NREP: variants seen among roughly 807,000 people sequenced by gnomAD.
The protein encoded by NREP is neuronal regeneration-related protein.
A neutral mutation model predicts 8.6 loss-of-function variants in NREP; 5 were observed. The ratio of observed to expected loss-of-function variants is 0.58; its 90% CI spans 0.30 to 1.22. NREP has a LOEUF of 1.22. NREP is among the 50% of genes most tolerant of loss of function. The probability of loss-of-function intolerance (pLI) is 0.07; values close to 1 mark genes in which losing one functional copy is unlikely to be tolerated. For missense variants in NREP, 86 were observed against 82.5 expected, an observed-to-expected ratio of 1.04 and a Z score of -0.17; for synonymous variants, 27 against 28.0, an observed-to-expected ratio of 0.96 and a Z score of 0.11.
upstream of NREP, chr5:111,757,727 C>A (rs1750824114): frequency 1.0e-6 from 1 of 984,760 alleles, no homozygotes; most frequent in African/African-American, 1.7e-5. Context: ...GCGCCCCGGC[C>A]CCGCCCCGGG....
chr5:111,734,496 C>A (rs1010901672), intron 3 of NREP: 6 of 398,420 alleles, frequency 1.5e-5, no homozygotes, highest in Non-Finnish European at 9.0e-6. Flanking sequence ...CAAAAATGCT[C>A]TGCAAGATTA....
At chr5:111,757,392 C>T (rs1461730210), upstream of NREP, 1 of 966,836 alleles carries the variant, frequency 1.0e-6, no homozygotes, top group African/African-American at 1.8e-5. Context: ...CGCTCTCTCT[C>T]CAAGAGTGTG....
At chr5:111,747,718 T>C (rs1294336621) in intron 2 of NREP, among the ~76,000 whole-genome samples, 1 of 152,166 alleles carries the variant, frequency 6.6e-6, no homozygotes, top group Non-Finnish European at 1.5e-5. Context: ...CTTCCTTTCA[T>C]GCCACGTTCT....
intron 2 of NREP, among the ~76,000 whole-genome samples, chr5:111,900,734 CA>C (rs1754627565): frequency 6.6e-6 from 1 of 151,792 alleles, no homozygotes; most frequent in Admixed American, 6.6e-5. Flanking sequence ...CTGAACAGAC[CA>C]ATAATGAATA....
chr5:111,759,420 T>TC (rs933693749), upstream of NREP, among the ~76,000 whole-genome samples: 3 of 129,458 alleles, frequency 2.3e-5, no homozygotes. Flanking sequence ...TTTCTTTCTT[T>TC]CTTTTTTTTT....
At chr5:111,948,600 T>C (rs1204611316) in intron 2 of NREP, among the ~76,000 whole-genome samples, 1 of 152,086 alleles carries the variant, frequency 6.6e-6, no homozygotes, top group Non-Finnish European at 1.5e-5. Context: ...CTAACGGCCA[T>C]GCAAAAGTGA....
chr5:111,842,711 T>C (rs1753060584), intron 2 of NREP, among the ~76,000 whole-genome samples: 1 of 152,200 alleles, frequency 6.6e-6, no homozygotes, highest in South Asian at 2.1e-4. Flanking sequence ...TGCCCTTTCA[T>C]TTCAACTTGA....
chr5:111,741,038 A>G lies in NREP; in HGVS notation c.4-5531T>C, dbSNP rs574802342. The stretch of plus-strand genomic sequence containing the variant: ...ACATTTTCAGAAATCTGCCATGAAG[A>G]TATGTTGCATGGTTTGGTTGTTAAC... On this transcript the variant is annotated intron_variant, in intron 2 of 3. Transcript: ENST00000257435. Among the ~76,000 whole-genome samples the G allele has an allele frequency of 4.5e-4, 68 of 152,292 alleles. 1 individual carries two copies. Among genetic ancestry groups the G allele is most frequent in the Non-Finnish European group, 5.3e-4 (36 of 68,010 alleles).
intron 2 of NREP, among the ~76,000 whole-genome samples, chr5:111,788,025 G>A (rs1751651665): frequency 6.6e-6 from 1 of 152,054 alleles, no homozygotes; most frequent in African/African-American, 2.4e-5. Flanking sequence ...CCCAGGAGGG[G>A]GAGTCTGCTG....
chr5:111,855,613 A>C (rs1186569860), intron 2 of NREP, among the ~76,000 whole-genome samples: 1 of 152,170 alleles, frequency 6.6e-6, no homozygotes, highest in African/African-American at 2.4e-5. Context: ...TTTGTACAAC[A>C]ATCTTTGCTA....
intron 2 of NREP, among the ~76,000 whole-genome samples, chr5:111,896,723 C>T (rs1452246633): frequency 1.3e-5 from 2 of 152,136 alleles, no homozygotes; most frequent in East Asian, 1.9e-4. Flanking sequence ...AATTAGACCT[C>T]GCTGCTTAAT....
In NREP at chr5:111,930,879, T is replaced by C. The variant is rs536137070; in HGVS notation, c.135+44395A>G. Among the ~76,000 whole-genome samples, 16 of 152,234 alleles carry C rather than the reference T, an allele frequency of 1.1e-4. No homozygotes were observed. The East Asian group carries it at 3.1e-3, about 30-fold the overall frequency. ...GTTAAGTCTTCCAGGAAAGGTTTCC[T>C]TACTCAAAAATAATGTCACAATGAA... On this transcript the variant is annotated intron_variant, in intron 2 of 3. Transcript: ENST00000395634.
chr5:111,795,341 T>G (rs1335341410), intron 2 of NREP, among the ~76,000 whole-genome samples: 1 of 152,222 alleles, frequency 6.6e-6, no homozygotes, highest in Non-Finnish European at 1.5e-5. Flanking sequence ...TTTTGCTGAC[T>G]CTGCTTTACA....
chr5:111,832,457 C>G (rs1172823021), intron 2 of NREP, among the ~76,000 whole-genome samples: 2 of 152,096 alleles, frequency 1.3e-5, no homozygotes, highest in African/African-American at 2.4e-5. Flanking sequence ...TTGCTTAAAT[C>G]TGGGACGAGC....
intron 2 of NREP, among the ~76,000 whole-genome samples, chr5:111,945,947 A>T (rs955154068): frequency 5.9e-5 from 9 of 151,966 alleles, no homozygotes; most frequent in African/African-American, 1.2e-4. Flanking sequence ...GTAACCAAGG[A>T]CAAGTTGTAT....
chr5:111,824,405 G>A (rs1045924973), intron 2 of NREP, among the ~76,000 whole-genome samples: 2 of 152,110 alleles, frequency 1.3e-5, no homozygotes, highest in Admixed American at 1.3e-4. Flanking sequence ...ATGTTTTAGA[G>A]CCTAACCCCT....
chr5:111,827,328 G>A (rs1285442720), intron 2 of NREP, among the ~76,000 whole-genome samples: 1 of 152,200 alleles, frequency 6.6e-6, no homozygotes, highest in East Asian at 1.9e-4. Context: ...GAACCAACAT[G>A]TTACACCAGA....
chr5:111,869,348 A>T (rs1441855539), intron 2 of NREP, among the ~76,000 whole-genome samples: 2 of 152,206 alleles, frequency 1.3e-5, no homozygotes, highest in Non-Finnish European at 2.9e-5. Flanking sequence ...TTTAAGTGTT[A>T]TTTCAAATAT....
intron 2 of NREP, among the ~76,000 whole-genome samples, chr5:111,884,396 C>T (rs564642944): frequency 6.6e-6 from 1 of 151,846 alleles, no homozygotes; most frequent in Non-Finnish European, 1.5e-5. Flanking sequence ...ACCAGAGGTA[C>T]AAGGAGGAAC....
Sources: allele counts gnomAD v4.1 joint callset (sites outside exome capture counted in the v4.1 genomes callset), GRCh38; gene constraint gnomAD v4.1.1; transcripts MANE v1.5; gene names NCBI Gene and HGNC (gene_info 2026-07-23, HGNC 2026-07-21).